Variants in UBR3 observed in about 807,000 individuals in gnomAD.
The protein encoded by UBR3 is E3 ubiquitin-protein ligase UBR3.
UBR3 carries 85 observed loss-of-function variants against 243.2 expected under a neutral mutation model. That is an observed-to-expected ratio of 0.35 (90% CI 0.29 to 0.42). UBR3 has a LOEUF of 0.42. Ranked by LOEUF, UBR3 falls within the 10% of genes least tolerant of loss-of-function variation. UBR3 has a pLI of 1.00. For synonymous variants in UBR3, 748 were observed against 799.8 expected (o/e 0.94, Z 1.09); for missense variants, 1,686 against 2,300.8 (o/e 0.73, Z 5.47).
In UBR3 at chr2:169,829,676, C is replaced by T. The variant is rs564572012; in HGVS notation, c.545+1624C>T. 6.1e-4 allele frequency among the ~76,000 whole-genome samples: 93 copies of T among 152,288 alleles called. 1 individual carries two copies. The highest frequency in any genetic ancestry group is 1.2e-4 in the Non-Finnish European group (8 of 68,012). On this transcript the variant is annotated intron_variant, in intron 1 of 38. Transcript: ENST00000272793. ...CCGACCTCAGGTGATCCGCCCGCGT[C>T]GGCCTCCCAAGTGCTGGGATTACAG...
chr2:170,025,156 C>T (rs2090494860), intron 30 of UBR3, among the ~76,000 whole-genome samples: 1 of 152,084 alleles, frequency 6.6e-6, no homozygotes, highest in South Asian at 2.1e-4. Flanking sequence ...ATATGTCAAG[C>T]AGTTGTGCTA....
At chr2:170,010,068 A>G (rs1008625969) in intron 29 of UBR3, among the ~76,000 whole-genome samples, 5 of 152,176 alleles carry the variant, frequency 3.3e-5, no homozygotes, top group African/African-American at 1.2e-4. Context: ...GGGTTGATGT[A>G]AAAGGATTTA....
intron 10 of UBR3, among the ~76,000 whole-genome samples, chr2:169,913,815 C>A (rs896809824): frequency 1.3e-5 from 2 of 151,954 alleles, no homozygotes; most frequent in African/African-American, 4.8e-5. Context: ...TATTTAAAAT[C>A]TATTTCTGCT....
At chr2:170,015,182 T>G in intron 29 of UBR3, 99 bp from the exon 30 acceptor site, 1 of 1,000,354 alleles carries the variant, frequency 1.0e-6, no homozygotes, top group South Asian at 1.9e-5. Context: ...AAAATAAAGT[T>G]GAAGAACTTT....
chr2:170,057,580 AT>A (rs1234853277), intron 33 of UBR3, among the ~76,000 whole-genome samples: 1 of 152,182 alleles, frequency 6.6e-6, no homozygotes, highest in Non-Finnish European at 1.5e-5. Context: ...AAAATAACAC[AT>A]TTAAGAAATT....
intron 1 of UBR3, among the ~76,000 whole-genome samples, chr2:169,830,834 C>A (rs1306204337): frequency 6.6e-6 from 1 of 151,820 alleles, no homozygotes. Context: ...TCCAGAGAAC[C>A]TGAAGGTAGG....
At chr2:169,840,466 A>G (rs1281811141) in intron 1 of UBR3, among the ~76,000 whole-genome samples, 1 of 152,122 alleles carries the variant, frequency 6.6e-6, no homozygotes, top group Non-Finnish European at 1.5e-5. Context: ...TGCAGTCCAC[A>G]CTGTACCTCT....
chr2:169,926,950 T>C lies in UBR3; in HGVS notation c.2317T>C (p.Leu773=), dbSNP rs901705083. Residue 773 remains leucine, a synonymous_variant, in exon 16 of 39, where the codon TTG becomes CTG. Transcript: ENST00000272793. ...EGALTFLVIL[L]SLRLHLGMSD... Reference sequence around the variant, plus strand: ...CGCTCTTACATTTCTTGTGATTCTTTTGAGTCTTCGTTTACATTTAGGTAA... The same window carrying C: ...CGCTCTTACATTTCTTGTGATTCTTCTGAGTCTTCGTTTACATTTAGGTAA... 4.8e-5 allele frequency: 74 copies of C among 1,550,822 alleles called. No homozygotes were observed. The highest frequency in any genetic ancestry group is 6.5e-5 in the Non-Finnish European group (74 of 1,146,500).
chr2:169,837,928 G>C (rs1299546304), intron 1 of UBR3, among the ~76,000 whole-genome samples: 3 of 152,120 alleles, frequency 2.0e-5, no homozygotes, highest in Non-Finnish European at 4.4e-5. Flanking sequence ...ACCTATGTGT[G>C]TCCTAAGTTC....
At position 169,827,815 on chromosome 2, in the gene UBR3, G is replaced by T; in HGVS notation, c.308G>T (p.Gly103Val). 1.3e-6 allele frequency: 2 copies of T among 1,499,132 alleles called. No individual in the cohort carries two copies. Among genetic ancestry groups the T allele is most frequent in the Non-Finnish European group, 1.8e-6 (2 of 1,128,412 alleles). The allele number at this position is 1,499,132 out of a possible 1,614,324, so 92.9% of individuals were successfully genotyped here. Residue 103 changes from glycine (G) to valine (V), a missense_variant, in exon 1 of 39, where the codon GGC becomes GTC. By Grantham distance (109) the Gly-to-Val change is moderately radical. Transcript: ENST00000272793. ...AAGTGCCTTCTGGCGGGCGGCGGCG[G>T]CTACGACGAGTTCTGCGCGGCGGTG... ...WCKCLLAGGG[G>V]YDEFCAAVRA...
chr2:169,977,049 C>G (rs895949736), intron 24 of UBR3, among the ~76,000 whole-genome samples: 11 of 151,912 alleles, frequency 7.2e-5, no homozygotes, highest in African/African-American at 2.4e-4. Flanking sequence ...TTGTTTGGTT[C>G]AACTCTTTTG....
At chr2:169,829,221 T>TTC (rs151028578) in intron 1 of UBR3, among the ~76,000 whole-genome samples, 6,755 of 152,196 alleles carry the variant, frequency 0.044, 219 homozygotes, top group East Asian at 0.12. Flanking sequence ...GCTTCTTGGA[T>TTC]ATTAAAAATG....
intron 11 of UBR3, among the ~76,000 whole-genome samples, 183 bp downstream of exon 11, chr2:169,914,329 T>C (rs950351761): frequency 4.6e-5 from 7 of 152,220 alleles, no homozygotes; most frequent in African/African-American, 1.7e-4. Flanking sequence ...TTTAGTTCTT[T>C]GACATTTAGG....
intron 37 of UBR3, 160 bp from the exon 38 acceptor site, chr2:170,080,385 A>G: frequency 4.8e-6 from 4 of 833,296 alleles, no homozygotes; most frequent in Non-Finnish European, 5.3e-6. Flanking sequence ...CTCCTAATGT[A>G]TTAATAATAA....
intron 24 of UBR3, among the ~76,000 whole-genome samples, chr2:169,972,599 G>C (rs1435584706): frequency 6.6e-6 from 1 of 152,176 alleles, no homozygotes; most frequent in South Asian, 2.1e-4. Context: ...GGGATGCAAG[G>C]CTGGTTCAAT....
At chr2:169,865,104 T>G (rs184933828) in intron 1 of UBR3, among the ~76,000 whole-genome samples, 20 of 152,102 alleles carry the variant, frequency 1.3e-4, no homozygotes, top group African/African-American at 4.3e-4. Context: ...AATTTTTTTT[T>G]TTGTTCTACT....
chr2:170,042,193 G>T (rs2090985271), intron 32 of UBR3, among the ~76,000 whole-genome samples: 1 of 152,174 alleles, frequency 6.6e-6, no homozygotes, highest in Admixed American at 6.5e-5. Context: ...TGCCTATACT[G>T]GATATTTTGT....
chr2:169,837,848 A>G (rs898140464), intron 1 of UBR3, among the ~76,000 whole-genome samples: 4 of 152,152 alleles, frequency 2.6e-5, no homozygotes, highest in Non-Finnish European at 5.9e-5. Flanking sequence ...ATCTTTTTCA[A>G]TATGAGGATT....
At chr2:169,924,394 C>T (rs1005905494) in intron 13 of UBR3, among the ~76,000 whole-genome samples, 2 of 151,874 alleles carry the variant, frequency 1.3e-5, no homozygotes, top group African/African-American at 4.8e-5. Context: ...ATGATATTTG[C>T]TTATGGGGTG....
Sources: allele counts gnomAD v4.1 joint callset (sites outside exome capture counted in the v4.1 genomes callset), GRCh38; gene constraint gnomAD v4.1.1; transcripts MANE v1.5; gene names NCBI Gene and HGNC (gene_info 2026-07-23, HGNC 2026-07-21).